The following STAU1 variants were observed in gnomAD, a reference collection of about 807,000 sequenced individuals.
STAU1 encodes staufen double-stranded RNA binding protein 1, also known as double-stranded RNA-binding protein Staufen homolog 1.
Under a neutral mutation model 62.9 loss-of-function variants are expected in STAU1, and 13 were observed. The ratio of observed to expected loss-of-function variants is 0.21; its 90% CI spans 0.13 to 0.33. The LOEUF is 0.33. STAU1 is among the 10% of genes least tolerant of loss of function. STAU1 has a pLI of 1.00. For missense variants in STAU1, 571 were observed against 712.1 expected (o/e 0.80, Z 2.25); for synonymous variants, 269 against 265.1 (o/e 1.01, Z -0.14).
In STAU1 at chr20:49,117,097, C is replaced by A; in HGVS notation, c.1632+29G>T. On this transcript the variant is annotated intron_variant, in intron 12 of 13. Coordinates refer to ENST00000371856, the MANE Select transcript of STAU1 (RefSeq NM_017453.4). This position sits in a 1 kb window ranked among gnomAD's most constrained non-coding sequence, Gnocchi z 4.6. ...CAGGCTCCACATAAACACACAACAC[C>A]CCAATCCCTCACCCAAGGTGTGACG... 1.2e-6 allele frequency: 2 copies of A among 1,612,786 alleles called. No homozygotes were observed. The highest frequency in any genetic ancestry group is 1.7e-5 in the Admixed American group (1 of 59,902).
intron 3 of STAU1, among the ~76,000 whole-genome samples, chr20:49,154,986 T>C (rs906849920): frequency 2.6e-5 from 4 of 152,088 alleles, no homozygotes; most frequent in African/African-American, 9.7e-5. Context: ...CTCAGGAGGC[T>C]GAGGCAGGAG....
At chr20:49,137,564 G>A (rs1200170050) in intron 5 of STAU1, among the ~76,000 whole-genome samples, 4 of 152,130 alleles carry the variant, frequency 2.6e-5, no homozygotes, top group African/African-American at 7.2e-5. Flanking sequence ...TATCTGAAAA[G>A]GAACCCATGG....
intron 6 of STAU1, among the ~76,000 whole-genome samples, chr20:49,135,263 C>A (rs1321382205): frequency 6.6e-6 from 1 of 152,212 alleles, no homozygotes; most frequent in Non-Finnish European, 1.5e-5. Flanking sequence ...TTCTCCCTTA[C>A]CTCCCTCGTC....
At chr20:49,168,925 T>A (rs143468279) in intron 2 of STAU1, among the ~76,000 whole-genome samples, 1 of 151,588 alleles carries the variant, frequency 6.6e-6, no homozygotes, top group African/African-American at 2.4e-5. Context: ...CCCCTTTCTA[T>A]CTCGAAAGGC....
intron 8 of STAU1, among the ~76,000 whole-genome samples, chr20:49,122,723 C>G (rs2092493230): frequency 6.6e-6 from 1 of 151,930 alleles, no homozygotes; most frequent in Non-Finnish European, 1.5e-5. Context: ...CAAAACCATC[C>G]TGGCCAACAT....
the STAU1 span, among the ~76,000 whole-genome samples, chr20:49,217,859 AAAAAT>A: frequency 4.6e-5 from 7 of 151,370 alleles, no homozygotes; most frequent in Non-Finnish European, 8.8e-5. Flanking sequence ...AAATAAAAAT[AAAAAT>A]AAAATAAAAT....
the STAU1 span, among the ~76,000 whole-genome samples, chr20:49,209,573 G>A: frequency 6.6e-6 from 1 of 151,984 alleles, no homozygotes; most frequent in Non-Finnish European, 1.5e-5. Flanking sequence ...GTGAAACCCT[G>A]TCACTACTAA....
chr20:49,121,607 AGT>A (rs1194691954), intron 8 of STAU1, among the ~76,000 whole-genome samples: 1 of 152,020 alleles, frequency 6.6e-6, no homozygotes, highest in Non-Finnish European at 1.5e-5. Flanking sequence ...TTTACAATAA[AGT>A]GTATATTATT....
chr20:49,179,403 A>G (rs964070181), intron 1 of STAU1, among the ~76,000 whole-genome samples: 2 of 152,236 alleles, frequency 1.3e-5, no homozygotes, highest in African/African-American at 4.8e-5. Flanking sequence ...CTTGCTAAAC[A>G]TTACAGGTTG....
chr20:49,194,507 C>T, the STAU1 span, among the ~76,000 whole-genome samples: 34 of 151,512 alleles, frequency 2.2e-4, 1 homozygote, highest in African/African-American at 7.5e-4. Context: ...GTCTATAATC[C>T]CAGCACTGTG....
chr20:49,180,321 T>TC (rs1277897776), intron 1 of STAU1, among the ~76,000 whole-genome samples: 1 of 44,772 alleles, frequency 2.2e-5, no homozygotes, highest in Non-Finnish European at 5.2e-5. Flanking sequence ...CTACAGTTCT[T>TC]TTTTTTTTTT....
At chr20:49,219,209 A>G in the STAU1 span, 1 of 750,138 alleles carries the variant, frequency 1.3e-6, no homozygotes. Context: ...CACCGTTTTG[A>G]GGCCGGAGAC....
At position 49,130,937 on chromosome 20, in the gene STAU1, C is replaced by CAA. The variant is rs757539113; in HGVS notation, c.609+4894_609+4895dup. Among the ~76,000 whole-genome samples the CAA allele has an allele frequency of 4.9e-5, 6 of 122,868 alleles. 1 individual carries two copies. The highest frequency in any genetic ancestry group is 2.3e-4 in the East Asian group (1 of 4,298). The allele number at this position is 122,868 out of a possible 152,430, so 80.6% of individuals were successfully genotyped here. On this transcript the variant is annotated intron_variant, in intron 6 of 13. Coordinates refer to ENST00000371856, the MANE Select transcript of STAU1 (RefSeq NM_017453.4). ...TGGGCAACAGAGCGAGACTCCGTCT[C>CAA]AAAAAAAAAAAAAAGATTGCTGGAA... is the stretch of plus-strand genomic sequence containing the variant.
the STAU1 span, among the ~76,000 whole-genome samples, chr20:49,215,014 A>C: frequency 6.6e-6 from 1 of 152,204 alleles, no homozygotes; most frequent in Non-Finnish European, 1.5e-5. Flanking sequence ...AGGCTGAGGA[A>C]GTCTGAGGTT....
chr20:49,162,049 CCCCG>C (rs1398752173), intron 3 of STAU1, among the ~76,000 whole-genome samples: 1 of 152,194 alleles, frequency 6.6e-6, no homozygotes, highest in African/African-American at 2.4e-5. Flanking sequence ...GCCAGCTGTA[CCCCG>C]CCCATTATTT....
chr20:49,174,540 T>C (rs1220738750), intron 1 of STAU1, among the ~76,000 whole-genome samples: 1 of 149,484 alleles, frequency 6.7e-6, no homozygotes, highest in African/African-American at 2.5e-5. Flanking sequence ...GCCAACATGA[T>C]GAAACCCCAT....
intron 5 of STAU1, among the ~76,000 whole-genome samples, chr20:49,148,362 G>T (rs1057502855): frequency 6.6e-6 from 1 of 152,068 alleles, no homozygotes; most frequent in Admixed American, 6.6e-5. Flanking sequence ...AGGTGTATAC[G>T]AAACACAAAT....
the STAU1 span, among the ~76,000 whole-genome samples, chr20:49,195,562 GAT>G: frequency 4.2e-5 from 2 of 47,492 alleles, no homozygotes; most frequent in Non-Finnish European, 4.0e-5. Context: ...AAAAAAAAAA[GAT>G]AGCAACAGAC....
Position 49,117,337 on chromosome 20 carries a change from T to C in STAU1, c.1510-89A>G. 1 of 1,506,304 alleles carries C rather than the reference T, an allele frequency of 6.6e-7. No individual in the cohort carries two copies. The highest frequency in any genetic ancestry group is 9.1e-7 in the Non-Finnish European group (1 of 1,104,608). The allele number at this position is 1,506,304 out of a possible 1,614,324, so 93.3% of individuals were successfully genotyped here. ...GCAGCTCCAGGCCCCACAAGCAAGA[T>C]CACCAGCTCTTTTTTCCAACTCAGC... On this transcript the variant is annotated intron_variant, in intron 11 of 13. Coordinates refer to ENST00000371856, the MANE Select transcript of STAU1 (RefSeq NM_017453.4). The surrounding 1 kb of genome is among the most constrained non-coding windows in gnomAD (Gnocchi z 4.6).
Sources: allele counts gnomAD v4.1 joint callset (sites outside exome capture counted in the v4.1 genomes callset), GRCh38; gene constraint gnomAD v4.1.1; non-coding constraint Gnocchi (gnomAD v3.1); transcripts MANE v1.5; gene names NCBI Gene and HGNC (gene_info 2026-07-23, HGNC 2026-07-21).